The following DCT variants were observed in gnomAD, a reference collection of about 807,000 sequenced individuals.
DCT encodes dopachrome tautomerase.
In DCT, 47 loss-of-function variants were observed where a neutral mutation model predicts 53.0. That is an observed-to-expected ratio of 0.89 (90% CI 0.70 to 1.13). DCT has a LOEUF of 1.13. Ranked by LOEUF, DCT falls within the 50% of genes most tolerant of loss-of-function variation. The pLI is 0.00. For missense variants in DCT, 669 were observed against 637.4 expected (o/e 1.05, Z -0.53); for synonymous variants, 244 against 237.0 (o/e 1.03, Z -0.27).
chr13:94,527,511 C>T, the DCT span, among the ~76,000 whole-genome samples: 3 of 152,166 alleles, frequency 2.0e-5, no homozygotes, highest in South Asian at 6.2e-4. Flanking sequence ...GAGTGGACTT[C>T]CAGCAAACTC....
intron 1 of DCT, among the ~76,000 whole-genome samples, chr13:94,478,148 C>A (rs1433532175): frequency 7.1e-6 from 1 of 140,980 alleles, no homozygotes; most frequent in African/African-American, 2.6e-5. Flanking sequence ...TAATAACAAC[C>A]CCCCGCCCGC....
the DCT span, among the ~76,000 whole-genome samples, chr13:94,528,688 T>C: frequency 6.6e-6 from 1 of 151,834 alleles, no homozygotes; most frequent in Non-Finnish European, 1.5e-5. Flanking sequence ...TGGAAAAACA[T>C]GCCAAATGGT....
At chr13:94,508,193 T>C in the DCT span, among the ~76,000 whole-genome samples, 2 of 152,264 alleles carry the variant, frequency 1.3e-5, no homozygotes, top group African/African-American at 4.8e-5. Context: ...TAACATTTGA[T>C]TCCTACTACA....
chr13:94,460,277 T>A (rs747207151), intron 5 of DCT, 51 bp from the exon 6 acceptor site: 1 of 1,560,226 alleles, frequency 6.4e-7, no homozygotes, highest in Non-Finnish European at 8.8e-7. Flanking sequence ...GATAAAGGTC[T>A]CTTTTTTGTT....
chr13:94,445,852 G>T (rs1471687502), intron 6 of DCT: 3 of 872,784 alleles, frequency 3.4e-6, no homozygotes, highest in Admixed American at 2.2e-5. Flanking sequence ...CCATGCAGAA[G>T]TGGCCCATTC....
intron 1 of DCT, among the ~76,000 whole-genome samples, chr13:94,476,790 A>G (rs776373588): frequency 2.6e-5 from 4 of 152,130 alleles, no homozygotes; most frequent in Non-Finnish European, 5.9e-5. Flanking sequence ...TTGACATAGA[A>G]ATAATTGTTC....
chr13:94,472,709 G>C (rs752854560), intron 1 of DCT, among the ~76,000 whole-genome samples: 2 of 147,528 alleles, frequency 1.4e-5, no homozygotes, highest in Non-Finnish European at 3.0e-5. Flanking sequence ...AGCCTCCCTA[G>C]TAGCTGGGAT....
chr13:94,539,196 C>T, the DCT span, among the ~76,000 whole-genome samples: 3 of 152,196 alleles, frequency 2.0e-5, no homozygotes, highest in African/African-American at 7.2e-5. Context: ...ACACATTCAA[C>T]ACAGAGAATG....
the DCT span, among the ~76,000 whole-genome samples, chr13:94,522,226 G>A: frequency 6.6e-6 from 1 of 152,204 alleles, no homozygotes; most frequent in Non-Finnish European, 1.5e-5. Context: ...AGCTGGGAAA[G>A]GCAGACCCAC....
chr13:94,464,209 A>C (rs1343588161), intron 4 of DCT, among the ~76,000 whole-genome samples: 1 of 152,208 alleles, frequency 6.6e-6, no homozygotes, highest in Non-Finnish European at 1.5e-5. Flanking sequence ...CTAGCTGGGC[A>C]TGGGCCCCTC....
chr13:94,453,766 C>T (rs1426969398), intron 6 of DCT, among the ~76,000 whole-genome samples: 2 of 152,198 alleles, frequency 1.3e-5, no homozygotes, highest in African/African-American at 2.4e-5. Context: ...TCTCTCTTGG[C>T]TGCCACCATG....
At chr13:94,515,235 T>C in the DCT span, among the ~76,000 whole-genome samples, 1 of 152,218 alleles carries the variant, frequency 6.6e-6, no homozygotes, top group South Asian at 2.1e-4. Context: ...TACTCTGCTG[T>C]AGCAGCCCCA....
chr13:94,498,720 T>G, the DCT span, among the ~76,000 whole-genome samples: 1 of 152,162 alleles, frequency 6.6e-6, no homozygotes, highest in African/African-American at 2.4e-5. Flanking sequence ...CTGGGTCGAG[T>G]GGGGACTTGG....
the DCT span, among the ~76,000 whole-genome samples, chr13:94,489,729 A>G: frequency 6.6e-6 from 1 of 151,204 alleles, no homozygotes; most frequent in Admixed American, 6.6e-5. Flanking sequence ...AATCCTCTCC[A>G]CTGAGAAAAT....
the DCT span, among the ~76,000 whole-genome samples, chr13:94,516,151 C>T: frequency 4.0e-5 from 6 of 150,982 alleles, no homozygotes; most frequent in African/African-American, 4.9e-5. Flanking sequence ...AGCGCATGAC[C>T]GGAGCTGTAT....
At position 94,479,536 on chromosome 13, in the gene DCT, G is replaced by A. The variant is rs80104954; in HGVS notation, c.-281C>T. 5.4e-4 allele frequency: 180 copies of A among 332,396 alleles called. No individual in the cohort carries two copies. The East Asian group carries it at 6.7e-3, about 12-fold the overall frequency. The allele number at this position is 332,396 out of a possible 1,614,324, so 20.6% of individuals were successfully genotyped here. A position where few individuals can be genotyped will look rare whatever the true frequency, so the allele number is the denominator to read the frequency against. On this transcript the variant is annotated 5_prime_UTR_variant, in exon 1 of 8. Coordinates refer to ENST00000377028, the MANE Select transcript of DCT (RefSeq NM_001922.5). ...AACAACCAAATTTAATGAGGGTAGCGCTTCTCACCATCTTCCCCCGTTAAG... is the reference window on the plus strand; with the variant it reads ...AACAACCAAATTTAATGAGGGTAGCACTTCTCACCATCTTCCCCCGTTAAG...
At chr13:94,534,122 T>C in the DCT span, among the ~76,000 whole-genome samples, 1 of 151,398 alleles carries the variant, frequency 6.6e-6, no homozygotes, top group Non-Finnish European at 1.5e-5. Flanking sequence ...TCCCCATATA[T>C]ATTTTATTCA....
chr13:94,468,448 T>C (rs891818913), intron 2 of DCT: 19 of 280,196 alleles, frequency 6.8e-5, no homozygotes, highest in Middle Eastern at 1.1e-3. Flanking sequence ...GGAATTCGCC[T>C]CCACCTCACC....
chr13:94,452,572 C>T (rs1471777687), intron 6 of DCT: 2 of 744,878 alleles, frequency 2.7e-6, no homozygotes, highest in Non-Finnish European at 4.9e-6. Context: ...CATTTTTTTA[C>T]CCTTTAAGCC....
Sources: gnomAD v4.1 joint callset for allele counts (sites outside exome capture counted in the v4.1 genomes callset) on GRCh38, gnomAD v4.1.1 for gene constraint, MANE v1.5 for transcripts, NCBI Gene and HGNC (gene_info 2026-07-23, HGNC 2026-07-21) for gene names.